CSMD3: variants seen among roughly 807,000 people sequenced by gnomAD.
The protein encoded by CSMD3 is CUB and Sushi multiple domains 3.
Under a neutral mutation model 435.2 loss-of-function variants are expected in CSMD3, and 177 were observed. The ratio of observed to expected loss-of-function variants is 0.41; its 90% CI spans 0.36 to 0.46. The LOEUF (loss-of-function observed/expected upper bound fraction) is 0.46, where lower values mean the gene tolerates loss of function less well. CSMD3 is among the 20% of genes least tolerant of loss of function. The probability of loss-of-function intolerance (pLI) is 0.34; values close to 1 mark genes in which losing one functional copy is unlikely to be tolerated. For synonymous variants in CSMD3, 1,656 were observed against 1,520.5 expected (o/e 1.09, Z -2.07); for missense variants, 4,265 against 4,504.6 (o/e 0.95, Z 1.52).
At chr8:112,553,806 A>G (rs1399629688) in intron 25 of CSMD3, among the ~76,000 whole-genome samples, 1 of 152,070 alleles carries the variant, frequency 6.6e-6, no homozygotes, top group African/African-American at 2.4e-5. Context: ...CTAATGGCTC[A>G]AATTTGTAGG....
chr8:112,231,597 A>C lies in CSMD3; in HGVS notation c.10776T>G (p.Phe3592Leu). 1 of 1,612,430 alleles carries C rather than the reference A, an allele frequency of 6.2e-7. No individual in the cohort carries two copies. The highest frequency in any genetic ancestry group is 8.5e-7 in the Non-Finnish European group (1 of 1,178,700). The part of the protein sequence containing the change: ...SAEPDGATYV[F>L]QGFIQGKDYG... ...AATCTTTGCCTTGAATAAATCCTTG[A>C]AATACATAAGTAGCTCCATCAGGCT... Residue 3592 changes from phenylalanine to leucine, a missense_variant, in exon 69 of 71, where the codon TTT becomes TTG. Transcript: ENST00000297405.
intron 27 of CSMD3, among the ~76,000 whole-genome samples, chr8:112,529,688 T>C (rs1251946546): frequency 6.6e-6 from 1 of 151,902 alleles, no homozygotes; most frequent in African/African-American, 2.4e-5. Flanking sequence ...TGGTTGATGG[T>C]GGTCTTCTCT....
chr8:112,506,541 C>A, intron 29 of CSMD3, 150 bp downstream of exon 29: 1 of 720,200 alleles, frequency 1.4e-6, no homozygotes, highest in Non-Finnish European at 2.3e-6. Flanking sequence ...ATGACAGTGG[C>A]AAAGCTAGAA....
chr8:112,238,986 T>C (rs564178175), intron 66 of CSMD3, among the ~76,000 whole-genome samples: 1 of 152,152 alleles, frequency 6.6e-6, no homozygotes, highest in South Asian at 2.1e-4. Flanking sequence ...GTAGACAAGA[T>C]TGAAAACCTA....
chr8:113,086,161 A>T (rs2089767147), intron 5 of CSMD3, among the ~76,000 whole-genome samples: 1 of 151,600 alleles, frequency 6.6e-6, no homozygotes, highest in South Asian at 2.1e-4. Flanking sequence ...AGGCAGGAGA[A>T]TGGAGTGTAC....
rs115384658 is a variant in CSMD3, at chr8:112,307,864, C to T, written c.7886-1672G>A. Among the ~76,000 whole-genome samples the T allele has an allele frequency of 6.8e-3, 1,041 of 152,194 alleles. 15 individuals carry two copies. Among genetic ancestry groups the T allele is most frequent in the African/African-American group, 0.024 (999 of 41,516 alleles). Reference sequence around the variant, plus strand: ...GAGTTTAGTTTAAATATTATAAATGCTATGTACTATTCACCCATCTTCCAT... The same window carrying T: ...GAGTTTAGTTTAAATATTATAAATGTTATGTACTATTCACCCATCTTCCAT... On this transcript the variant is annotated intron_variant, in intron 50 of 70. Coordinates refer to ENST00000297405, the MANE Select transcript of CSMD3 (RefSeq NM_198123.2).
At chr8:112,628,794 G>A (rs1390163223) in intron 22 of CSMD3, among the ~76,000 whole-genome samples, 4 of 152,106 alleles carry the variant, frequency 2.6e-5, no homozygotes, top group Non-Finnish European at 4.4e-5. Flanking sequence ...GACATCTAAC[G>A]TACTCTTGGG....
chr8:112,443,501 T>A (rs1202138505), intron 32 of CSMD3, among the ~76,000 whole-genome samples: 1 of 151,900 alleles, frequency 6.6e-6, no homozygotes, highest in Non-Finnish European at 1.5e-5. Context: ...AAGAAAAGAG[T>A]AAAATATTTA....
chr8:112,646,286 A>C (rs144183261), intron 19 of CSMD3, among the ~76,000 whole-genome samples: 1 of 152,184 alleles, frequency 6.6e-6, no homozygotes, highest in African/African-American at 2.4e-5. Flanking sequence ...TAAAATACAC[A>C]AAAAGGTAAC....
At chr8:113,044,314 T>C (rs1287484150) in intron 5 of CSMD3, among the ~76,000 whole-genome samples, 1 of 127,438 alleles carries the variant, frequency 7.8e-6, no homozygotes. Flanking sequence ...CAATTTTTAA[T>C]AGGAATTTAC....
At chr8:112,656,094 A>G in intron 18 of CSMD3, 60 bp downstream of exon 18, 1 of 909,790 alleles carries the variant, frequency 1.1e-6, no homozygotes, top group Non-Finnish European at 1.8e-6. Context: ...GTAAAACTAT[A>G]ATAATACAAA....
chr8:112,542,681 A>G (rs956487316), intron 27 of CSMD3, among the ~76,000 whole-genome samples: 1 of 152,100 alleles, frequency 6.6e-6, no homozygotes, highest in African/African-American at 2.4e-5. Context: ...ATGGAAGAAC[A>G]GCCTCTGTTC....
chr8:112,523,169 G>A (rs1824479275), intron 27 of CSMD3, among the ~76,000 whole-genome samples: 1 of 151,758 alleles, frequency 6.6e-6, no homozygotes, highest in Non-Finnish European at 1.5e-5. Context: ...TCATACAGTT[G>A]GATGAGTAAT....
chr8:113,157,246 C>T (rs962463991), intron 4 of CSMD3, among the ~76,000 whole-genome samples: 1 of 152,046 alleles, frequency 6.6e-6, no homozygotes, highest in Non-Finnish European at 1.5e-5. Context: ...TTTACGTTGC[C>T]TTCTGGTACT....
chr8:112,309,892 A>G (rs889150554), intron 50 of CSMD3, among the ~76,000 whole-genome samples: 1 of 152,106 alleles, frequency 6.6e-6, no homozygotes, highest in African/African-American at 2.4e-5. Context: ...TTAATTACCT[A>G]TCTTACATTT....
At chr8:113,033,102 C>A (rs1220657648) in intron 5 of CSMD3, among the ~76,000 whole-genome samples, 1 of 151,510 alleles carries the variant, frequency 6.6e-6, no homozygotes, top group African/African-American at 2.4e-5. Flanking sequence ...GGCAGAAGAG[C>A]TCTCATGAAG....
At chr8:113,308,749 A>C (rs899667657) in intron 2 of CSMD3, among the ~76,000 whole-genome samples, 3 of 152,124 alleles carry the variant, frequency 2.0e-5, no homozygotes, top group Non-Finnish European at 4.4e-5. Context: ...TAGAAGTTAT[A>C]ATTATTGTTT....
intron 38 of CSMD3, among the ~76,000 whole-genome samples, chr8:112,357,089 A>C (rs532613246): frequency 6.6e-6 from 1 of 152,274 alleles, no homozygotes; most frequent in African/African-American, 2.4e-5. Flanking sequence ...AAAGTTTGGA[A>C]CTTCCTAGAG....
At chr8:112,625,750 T>C (rs2131535980) in intron 22 of CSMD3, among the ~76,000 whole-genome samples, 1 of 152,210 alleles carries the variant, frequency 6.6e-6, no homozygotes, top group East Asian at 1.9e-4. Context: ...AAAAGTAGTT[T>C]GGGGGAGGTA....
Sources: allele counts gnomAD v4.1 joint callset (sites outside exome capture counted in the v4.1 genomes callset), GRCh38; gene constraint gnomAD v4.1.1; transcripts MANE v1.5; gene names NCBI Gene and HGNC (gene_info 2026-07-23, HGNC 2026-07-21).